PIP5K1B: variants seen among roughly 807,000 people sequenced by gnomAD.
PIP5K1B encodes phosphatidylinositol-4-phosphate 5-kinase type 1 beta, also known as phosphatidylinositol 4-phosphate 5-kinase type-1 beta.
PIP5K1B carries 42 observed loss-of-function variants against 67.0 expected under a neutral mutation model. The observed-to-expected ratio is 0.63, with a 90% CI of 0.49 to 0.81. The LOEUF (loss-of-function observed/expected upper bound fraction) is 0.81. Among genes scored for constraint, PIP5K1B ranks in the 30% least tolerant of loss-of-function variants. The pLI is 0.00. For missense variants in PIP5K1B, 459 were observed against 646.3 expected (o/e 0.71, Z 3.14); for synonymous variants, 214 against 231.4 (o/e 0.92, Z 0.68).
chr9:68,791,121 G>A (rs980336636), intron 2 of PIP5K1B, among the ~76,000 whole-genome samples: 6 of 152,190 alleles, frequency 3.9e-5, no homozygotes, highest in Non-Finnish European at 8.8e-5. Context: ...TTAAGGCTTG[G>A]CTAGCAAGGC....
rs557639201 is a variant in PIP5K1B at position 68,968,611 on chromosome 9, G to C, written c.1503-22529G>C. 5.3e-5 allele frequency among the ~76,000 whole-genome samples: 8 copies of C among 151,192 alleles called. No individual in the cohort carries two copies. In the South Asian group the frequency reaches 1.7e-3, roughly 31 times the overall value. ...ACAGATTATTTTCCATGCATTTCTA[G>C]CACATGATATTTCAATACATTCTGC... On this transcript the variant is annotated intron_variant, in intron 14 of 15. Transcript: ENST00000265382.
chr9:68,839,465 C>G (rs1821797665), intron 4 of PIP5K1B, among the ~76,000 whole-genome samples: 1 of 152,082 alleles, frequency 6.6e-6, no homozygotes, highest in African/African-American at 2.4e-5. Context: ...CCCTTTGGTG[C>G]AAAGGCAATA....
intron 4 of PIP5K1B, among the ~76,000 whole-genome samples, chr9:68,830,791 C>T (rs1359995169): frequency 1.3e-5 from 2 of 152,114 alleles, no homozygotes; most frequent in African/African-American, 4.8e-5. Context: ...GAACTGTGGC[C>T]CATGTTCTCA....
intron 4 of PIP5K1B, among the ~76,000 whole-genome samples, chr9:68,846,385 T>A (rs1390118813): frequency 6.6e-6 from 1 of 152,210 alleles, no homozygotes; most frequent in Non-Finnish European, 1.5e-5. Context: ...AGGAGGGATG[T>A]CTTCACCCCC....
Position 68,906,093 on chromosome 9 carries a change from A to G in PIP5K1B, c.771+11455A>G, listed in dbSNP as rs1408030389. On this transcript the variant is annotated intron_variant, in intron 8 of 15. Coordinates refer to ENST00000265382, the MANE Select transcript of PIP5K1B (RefSeq NM_003558.4). ...GAGCTTGGTGGCATGCTCATGGCTCACTTGCAACCTTCTCTCCTGGGCTCA... is the reference window on the plus strand; with the variant it reads ...GAGCTTGGTGGCATGCTCATGGCTCGCTTGCAACCTTCTCTCCTGGGCTCA... Among the ~76,000 whole-genome samples the G allele has an allele frequency of 2.6e-5, 4 of 152,168 alleles. No homozygotes were observed. In the East Asian group the frequency reaches 7.7e-4, roughly 29 times the overall value.
chr9:68,788,629 T>C, intron 2 of PIP5K1B: 1 of 231,352 alleles, frequency 4.3e-6, no homozygotes, highest in Non-Finnish European at 8.5e-6. Flanking sequence ...TTGTGGGGAT[T>C]TGTTTTTCCC....
At chr9:68,815,595 A>C (rs1833400851) in intron 2 of PIP5K1B, among the ~76,000 whole-genome samples, 1 of 152,156 alleles carries the variant, frequency 6.6e-6, no homozygotes, top group Non-Finnish European at 1.5e-5. Flanking sequence ...ACTATAAATT[A>C]CCAAAATTTG....
At chr9:68,851,987 A>C (rs1822510771) in intron 4 of PIP5K1B, among the ~76,000 whole-genome samples, 2 of 152,308 alleles carry the variant, frequency 1.3e-5, no homozygotes, top group South Asian at 4.1e-4. Flanking sequence ...ATAATTTGGA[A>C]GGAATTTAAG....
intron 14 of PIP5K1B, among the ~76,000 whole-genome samples, chr9:68,946,314 C>T (rs1351708252): frequency 6.6e-6 from 1 of 152,264 alleles, no homozygotes; most frequent in Non-Finnish European, 1.5e-5. Context: ...TAGGGCTACA[C>T]AGCCCCTAGT....
intron 7 of PIP5K1B, among the ~76,000 whole-genome samples, chr9:68,893,524 G>A (rs1564211517): frequency 6.6e-6 from 1 of 151,892 alleles, no homozygotes; most frequent in Non-Finnish European, 1.5e-5. Context: ...AGTAGAGACA[G>A]GGTTTCACCA....
intron 7 of PIP5K1B, among the ~76,000 whole-genome samples, chr9:68,893,337 T>TC (rs1564211264): frequency 1.5e-5 from 2 of 137,054 alleles, no homozygotes; most frequent in African/African-American, 5.6e-5. Flanking sequence ...TTTTTTCTTT[T>TC]TTTTTTTTTT....
At chr9:68,754,360 G>A (rs568404461) in intron 2 of PIP5K1B, among the ~76,000 whole-genome samples, 2 of 151,424 alleles carry the variant, frequency 1.3e-5, no homozygotes, top group East Asian at 3.9e-4. Context: ...TAGTAGAGAC[G>A]GGGTTTCACC....
At chr9:68,823,167 G>T (rs907721311) in intron 4 of PIP5K1B, among the ~76,000 whole-genome samples, 2 of 152,136 alleles carry the variant, frequency 1.3e-5, no homozygotes, top group African/African-American at 2.4e-5. Context: ...TTATCTAAAA[G>T]GTCAGCTGAT....
At chr9:68,874,924 C>T (rs997510713) in intron 5 of PIP5K1B, among the ~76,000 whole-genome samples, 1 of 152,128 alleles carries the variant, frequency 6.6e-6, no homozygotes, top group African/African-American at 2.4e-5. Context: ...CCCTTTATTT[C>T]TATATGATCT....
chr9:68,911,098 G>A lies in PIP5K1B; in HGVS notation c.772-6450G>A, dbSNP rs571388454. Among the ~76,000 whole-genome samples, 23 of 152,328 alleles carry A rather than the reference G, an allele frequency of 1.5e-4. 1 individual carries two copies. The South Asian group carries it at 3.9e-3, about 26-fold the overall frequency. On this transcript the variant is annotated intron_variant, in intron 8 of 15. Transcript: ENST00000265382. ...AGGAAAGAATGGGAAACTGGGCCAG[G>A]CATGGTGGCTCACGCCTGTAATCCC...
intron 2 of PIP5K1B, among the ~76,000 whole-genome samples, chr9:68,752,713 C>T (rs930612448): frequency 5.3e-5 from 8 of 152,112 alleles, no homozygotes; most frequent in Non-Finnish European, 1.2e-4. Flanking sequence ...TCTTACCTCA[C>T]CTATTAGATG....
In PIP5K1B at chr9:68,783,355, G is replaced by A. The variant is rs200950009; in HGVS notation, c.-85-35106G>A. 3 of 166,832 alleles carry A rather than the reference G, an allele frequency of 1.8e-5. 1 individual carries two copies. The South Asian group carries it at 6.2e-4, about 35-fold the overall frequency. The allele number at this position is 166,832 out of a possible 1,614,324, so 10.3% of individuals were successfully genotyped here. A position where few individuals can be genotyped will look rare whatever the true frequency, so the allele number is the denominator to read the frequency against. ...TGTACTTTTCTTGTGTCTGTTCTTT[G>A]GGATAATTCCTATCCTTTTCAGGGA... On this transcript the variant is annotated intron_variant, in intron 2 of 15. Transcript: ENST00000265382.
rs535250142 is a variant in PIP5K1B, at chr9:68,838,359, C to A, written c.69+15676C>A. 8.5e-5 allele frequency among the ~76,000 whole-genome samples: 13 copies of A among 152,238 alleles called. No individual in the cohort carries two copies. The East Asian group carries it at 2.1e-3, about 25-fold the overall frequency. On this transcript the variant is annotated intron_variant, in intron 4 of 15. Transcript: ENST00000265382. ...TCTTGTGATAACAGCACAGCCTTGTCTTACTTGTGTTTTAAAAAACAAATG... is the reference window on the plus strand; with the variant it reads ...TCTTGTGATAACAGCACAGCCTTGTATTACTTGTGTTTTAAAAAACAAATG...
intron 1 of PIP5K1B, among the ~76,000 whole-genome samples, chr9:68,712,701 C>T (rs961677641): frequency 6.6e-6 from 1 of 152,142 alleles, no homozygotes; most frequent in African/African-American, 2.4e-5. Flanking sequence ...GATGACCGAA[C>T]CCTTTAGGAT....
Sources: gnomAD v4.1 joint callset for allele counts (sites outside exome capture counted in the v4.1 genomes callset) on GRCh38, gnomAD v4.1.1 for gene constraint, MANE v1.5 for transcripts, NCBI Gene and HGNC (gene_info 2026-07-23, HGNC 2026-07-21) for gene names.